Variants in MYLK3 observed in about 807,000 individuals in gnomAD.
MYLK3 encodes MLC kinase.
A neutral mutation model predicts 76.3 loss-of-function variants in MYLK3; 55 were observed. The observed-to-expected ratio is 0.72, with a 90% CI of 0.58 to 0.90. MYLK3 has a LOEUF of 0.90. Ranked by LOEUF, MYLK3 falls within the 40% of genes least tolerant of loss-of-function variation. The pLI, the probability that MYLK3 is intolerant of heterozygous loss-of-function variation, is 0.00. For synonymous variants in MYLK3, 416 were observed against 425.4 expected, an observed-to-expected ratio of 0.98 and a Z score of 0.27; for missense variants, 973 against 1,053.6, an observed-to-expected ratio of 0.92 and a Z score of 1.06.
chr16:46,741,238 G>T (rs1311636305), intron 1 of MYLK3, among the ~76,000 whole-genome samples: 1 of 152,206 alleles, frequency 6.6e-6, no homozygotes, highest in East Asian at 1.9e-4. Context: ...AGCACATAGT[G>T]GGTGCTCAAT....
At chr16:46,758,300 ACACACTCTCTCTCTCTCTCTCTCTCT>A (rs1967228901) in intron 1 of MYLK3, among the ~76,000 whole-genome samples, 1 of 51,332 alleles carries the variant, frequency 1.9e-5, no homozygotes, top group African/African-American at 8.8e-5. Context: ...ACACACACAC[ACACACTCTCTCTCTCTCTCTCTCTCT>A]CTCTCTCTCT....
At chr16:46,723,585 A>G (rs1450471127) in intron 8 of MYLK3, among the ~76,000 whole-genome samples, 1 of 151,234 alleles carries the variant, frequency 6.6e-6, no homozygotes, top group East Asian at 1.9e-4. Context: ...TAAAAAGCGA[A>G]TGCACATTTT....
chr16:46,707,753 T>C lies in MYLK3; in HGVS notation c.2411A>G (p.Tyr804Cys). The C allele has an allele frequency of 6.2e-7, 1 of 1,612,098 alleles. No individual in the cohort carries two copies. The highest frequency in any genetic ancestry group is 8.5e-7 in the Non-Finnish European group (1 of 1,178,382). Reference sequence around the variant, plus strand: ...TAACCTGTTGGCAGCAGTCACCACATAGAAATGTTTCTTGAGGCAAGGAGA... The same window carrying C: ...TAACCTGTTGGCAGCAGTCACCACACAGAAATGTTTCTTGAGGCAAGGAGA... ...IAQRKWKKHF[Y>C]VVTAANRLRK... is the part of the protein sequence containing the mutation. Residue 804 changes from tyrosine (Y) to cysteine (C), a missense_variant, in exon 13 of 13, where the codon TAT becomes TGT. Physicochemically the swap from Tyr to Cys is radical, Grantham distance 194. Around this residue, in one of 2 missense-constraint regions of MYLK3, gnomAD observed 332 missense variants for 416.6 expected, o/e 0.80. Coordinates refer to ENST00000394809, the MANE Select transcript of MYLK3 (RefSeq NM_182493.3).
chr16:46,721,214 C>T (rs746123814), intron 8 of MYLK3, 21 bp from the exon 9 acceptor site: 1 of 1,613,404 alleles, frequency 6.2e-7, no homozygotes, highest in South Asian at 1.1e-5. Context: ...AAGAAGTCTG[C>T]TTAGCCCAAG....
At chr16:46,728,307 C>A (rs1966846294) in intron 7 of MYLK3, among the ~76,000 whole-genome samples, 1 of 152,188 alleles carries the variant, frequency 6.6e-6, no homozygotes, top group Non-Finnish European at 1.5e-5. Context: ...CCACACATCA[C>A]TTCCACTTGG....
chr16:46,703,181 A>G lies in MYLK3; in HGVS notation c.*4523T>C, dbSNP rs1421739527. Among the ~76,000 whole-genome samples the G allele has an allele frequency of 6.6e-6, 1 of 152,172 alleles. No individual in the cohort carries two copies. The highest frequency in any genetic ancestry group is 1.5e-5 in the Non-Finnish European group (1 of 68,026). On this transcript the variant is annotated 3_prime_UTR_variant, in exon 13 of 13. Coordinates refer to ENST00000394809, the MANE Select transcript of MYLK3 (RefSeq NM_182493.3). ...GCTTTCAGTATATCTAGATCTATCT[A>G]TAACAGCTGTGAGGTATTCCACTAC... is the stretch of plus-strand genomic sequence containing the variant.
chr16:46,710,501 A>G, intron 11 of MYLK3, 136 bp downstream of exon 11: 1 of 965,524 alleles, frequency 1.0e-6, no homozygotes, highest in South Asian at 1.6e-5. Context: ...ATTTTTCCAA[A>G]GAAGTAGCAA....
chr16:46,737,776 G>C lies in MYLK3; in HGVS notation c.936C>G (p.Cys312Trp). ...TRLTPGPGPQ[C>W]PGPPGLPAQA... ...GGGCTGGCAGCCCTGGAGGCCCTGG[G>C]CACTGAGGGCCAGGCCCTGGAGTCA... Residue 312 changes from cysteine to tryptophan, a missense_variant, in exon 3 of 13, where the codon TGC becomes TGG. Coordinates refer to ENST00000394809, the MANE Select transcript of MYLK3 (RefSeq NM_182493.3). 6.2e-7 allele frequency: 1 copy of C among 1,611,700 alleles called. No homozygotes were observed. The highest frequency in any genetic ancestry group is 1.1e-5 in the South Asian group (1 of 91,006).
In MYLK3 at chr16:46,707,683, T is replaced by C. The variant is rs117551417; in HGVS notation, c.*21A>G. 2.4e-4 allele frequency: 385 copies of C among 1,577,764 alleles called. 3 individuals are homozygous for C. In the East Asian group the frequency reaches 7.9e-3, roughly 32 times the overall value. The stretch of plus-strand genomic sequence containing the variant: ...CTGGCCTCAGTAATTTCTGGACCCA[T>C]TGGAGCAGCAGAGTTGAAGATTAGG... On this transcript the variant is annotated 3_prime_UTR_variant, in exon 13 of 13. Coordinates refer to ENST00000394809, the MANE Select transcript of MYLK3 (RefSeq NM_182493.3).
In MYLK3 at chr16:46,740,163, T is replaced by A. The variant is rs779512024; in HGVS notation, c.478-16A>T. 1.2e-6 allele frequency: 2 copies of A among 1,605,734 alleles called. No individual in the cohort carries two copies. The highest frequency in any genetic ancestry group is 2.2e-5 in the South Asian group (2 of 90,864). ...GCTCTTTATTCTAAAATAACAACCA[T>A]AAAAAATGTCATCATTATCATCAAC... is the stretch of plus-strand genomic sequence containing the variant. On this transcript the variant is annotated splice_polypyrimidine_tract_variant and intron_variant, in intron 1 of 12. Coordinates refer to ENST00000394809, the MANE Select transcript of MYLK3 (RefSeq NM_182493.3).
At chr16:46,719,534 C>T (rs532738017) in intron 9 of MYLK3, among the ~76,000 whole-genome samples, 3 of 152,172 alleles carry the variant, frequency 2.0e-5, no homozygotes, top group South Asian at 2.1e-4. Flanking sequence ...GCATGCATGC[C>T]GTGGGCAGGA....
Position 46,702,795 on chromosome 16 carries a change from C to G in MYLK3, c.*4909G>C, listed in dbSNP as rs1966588663. On this transcript the variant is annotated 3_prime_UTR_variant, in exon 13 of 13. Coordinates refer to ENST00000394809, the MANE Select transcript of MYLK3 (RefSeq NM_182493.3). ...ATTAGCTGGGCGTGGTGGCGCATGCCTGTAGTCCCAGCTACTTGGGAGGCT... is the reference window on the plus strand; with the variant it reads ...ATTAGCTGGGCGTGGTGGCGCATGCGTGTAGTCCCAGCTACTTGGGAGGCT... Among the ~76,000 whole-genome samples the G allele has an allele frequency of 6.6e-6, 1 of 152,086 alleles. No homozygotes were observed. The highest frequency in any genetic ancestry group is 2.1e-4 in the South Asian group (1 of 4,822).
Position 46,702,948 on chromosome 16 carries a change from G to T in MYLK3, c.*4756C>A, listed in dbSNP as rs1966590562. On this transcript the variant is annotated 3_prime_UTR_variant, in exon 13 of 13. Coordinates refer to ENST00000394809, the MANE Select transcript of MYLK3 (RefSeq NM_182493.3). ...AAGAAAAAAAAAAAAAGGAATACAT[G>T]CTCATTGTAAAAAAAAAAAAAAAAA... Among the ~76,000 whole-genome samples, 2 of 110,238 alleles carry T rather than the reference G, an allele frequency of 1.8e-5. No homozygotes were observed. The highest frequency in any genetic ancestry group is 3.2e-5 in the African/African-American group (1 of 30,960). The allele number at this position is 110,238 out of a possible 152,430, so 72.3% of individuals were successfully genotyped here. A position where few individuals can be genotyped will look rare whatever the true frequency, so the allele number is the denominator to read the frequency against.
intron 9 of MYLK3, among the ~76,000 whole-genome samples, chr16:46,720,408 C>T (rs1966787629): frequency 6.6e-6 from 1 of 152,022 alleles, no homozygotes; most frequent in Non-Finnish European, 1.5e-5. Context: ...CTGTGTTGCC[C>T]AGGCTGGTCT....
At position 46,712,762 on chromosome 16, in the gene MYLK3, T is replaced by C. The variant is rs1395776753; in HGVS notation, c.2000A>G (p.Glu667Gly). 1 of 1,597,918 alleles carries C rather than the reference T, an allele frequency of 6.3e-7. No homozygotes were observed. Among genetic ancestry groups the C allele is most frequent in the South Asian group, 1.1e-5 (1 of 88,812 alleles). Residue 667 changes from glutamate to glycine, a missense_variant, in exon 10 of 13, where the codon GAG becomes GGG. Physicochemically the swap from Glu to Gly is moderately conservative, Grantham distance 98. Around this residue, in one of 2 missense-constraint regions of MYLK3, gnomAD observed 332 missense variants for 416.6 expected, o/e 0.80. Transcript: ENST00000394809. ...AGTGCCGAAGTTCACCTTCAGCTTC[T>C]CTCGAGGCTTGTACCTGGGGAGAAG... ...FGLARRYKPR[E>G]KLKVNFGTPE...
intron 8 of MYLK3, among the ~76,000 whole-genome samples, chr16:46,722,477 G>A (rs1216188108): frequency 6.6e-6 from 1 of 152,156 alleles, no homozygotes; most frequent in African/African-American, 2.4e-5. Context: ...ATGTTACAAT[G>A]GGGTTGTACA....
intron 6 of MYLK3, 45 bp downstream of exon 6, chr16:46,729,549 A>G: frequency 6.4e-6 from 10 of 1,559,786 alleles, no homozygotes; most frequent in Non-Finnish European, 8.8e-6. Flanking sequence ...AAGGAAAGGA[A>G]TCCTGAGGCT....
chr16:46,707,996 C>CT (rs1966644094), intron 12 of MYLK3, among the ~76,000 whole-genome samples: 2 of 150,798 alleles, frequency 1.3e-5, no homozygotes, highest in Non-Finnish European at 3.0e-5. Flanking sequence ...TCTTTTTTTT[C>CT]TTTTTTTGGG....
Position 46,730,640 on chromosome 16 carries a change from G to A in MYLK3, c.1521C>T (p.Thr507=), listed in dbSNP as rs754948389. ...ACACCTCGTAACCCGCAGAGATGGAGGTCTCCTTGACGCTCACTACCCGGT... is the reference window on the plus strand; with the variant it reads ...ACACCTCGTAACCCGCAGAGATGGAAGTCTCCTTGACGCTCACTACCCGGT... ...FEHRVVSVKE[T]SISAGYEVCQ... The change falls in exon 5 of 13, where the codon ACC becomes ACT. Residue 507 remains threonine (T), a synonymous_variant. Transcript: ENST00000394809. The A allele has an allele frequency of 1.2e-6, 2 of 1,613,944 alleles. No individual in the cohort carries two copies. The highest frequency in any genetic ancestry group is 1.3e-5 in the African/African-American group (1 of 74,914).
Sources: allele counts gnomAD v4.1 joint callset (sites outside exome capture counted in the v4.1 genomes callset), GRCh38; gene constraint gnomAD v4.1.1; regional missense constraint gnomAD v4.1.1; transcripts MANE v1.5; gene names NCBI Gene and HGNC (gene_info 2026-07-23, HGNC 2026-07-21).